The following PRTFDC1 variants were observed in gnomAD, a reference collection of about 807,000 sequenced individuals.
The protein encoded by PRTFDC1 is phosphoribosyl transferase domain containing 1, also known as phosphoribosyltransferase domain-containing protein 1.
PRTFDC1 carries 38 observed loss-of-function variants against 34.6 expected under a neutral mutation model. That is an observed-to-expected ratio of 1.10 (90% CI 0.85 to 1.44). The LOEUF is 1.44. Ranked by LOEUF, PRTFDC1 falls within the 40% of genes most tolerant of loss-of-function variation. The pLI is 0.00. For missense variants in PRTFDC1, 270 were observed against 283.0 expected, an observed-to-expected ratio of 0.95 and a Z score of 0.33; for synonymous variants, 93 against 98.1, an observed-to-expected ratio of 0.95 and a Z score of 0.31.
At chr10:24,871,646 G>GA (rs61544719) in intron 4 of PRTFDC1, among the ~76,000 whole-genome samples, 6,096 of 131,132 alleles carry the variant, frequency 0.046, 427 homozygotes, top group East Asian at 0.34. Context: ...GAGGATGGAT[G>GA]AAAAAAAAAA....
intron 2 of PRTFDC1, 69 bp downstream of exon 2, chr10:24,942,261 T>G: frequency 7.9e-7 from 1 of 1,270,956 alleles, no homozygotes; most frequent in Middle Eastern, 1.9e-4. Context: ...CTAAAGTATA[T>G]TGTGGGATTC....
chr10:24,894,192 G>T (rs772001188), intron 3 of PRTFDC1, among the ~76,000 whole-genome samples: 2 of 152,084 alleles, frequency 1.3e-5, no homozygotes, highest in Admixed American at 6.5e-5. Flanking sequence ...TTAGCTGGGC[G>T]TGGCAGCATG....
Position 24,851,390 on chromosome 10 carries a change from T to C in PRTFDC1, c.628A>G (p.Asn210Asp). The C allele has an allele frequency of 6.2e-7, 1 of 1,603,710 alleles. No individual in the cohort carries two copies. Among genetic ancestry groups the C allele is most frequent in the Non-Finnish European group, 8.5e-7 (1 of 1,177,502 alleles). The change falls in exon 8 of 9, where the codon AAT becomes GAT. Residue 210 changes from asparagine (N) to aspartate (D), a missense_variant and splice_region_variant. By Grantham distance (23) the Asn-to-Asp change is conservative (BLOSUM62 1). Transcript: ENST00000320152. ...AGGGATTTGCATGCAAGACTTACAT[T>C]CAGATCTCTGAAGTATTCATTGTAA... ...LDYNEYFRDLNHICVINEHGK... is the reference protein window; with the variant it reads ...LDYNEYFRDLDHICVINEHGK...
intron 3 of PRTFDC1, among the ~76,000 whole-genome samples, chr10:24,894,029 A>C (rs979229385): frequency 2.0e-5 from 3 of 152,178 alleles, no homozygotes; most frequent in African/African-American, 7.2e-5. Context: ...CCTCAAAGGA[A>C]GTGTGAAAAT....
At chr10:24,872,390 A>C (rs1847885869) in intron 3 of PRTFDC1, among the ~76,000 whole-genome samples, 1 of 152,152 alleles carries the variant, frequency 6.6e-6, no homozygotes. Flanking sequence ...TGGAGAAGAC[A>C]GTCATGCTTC....
At chr10:24,945,066 G>C (rs1849232452) in intron 1 of PRTFDC1, among the ~76,000 whole-genome samples, 1 of 152,106 alleles carries the variant, frequency 6.6e-6, no homozygotes, top group Non-Finnish European at 1.5e-5. Context: ...TTTCCACATG[G>C]CTGTCCTCTA....
intron 1 of PRTFDC1, among the ~76,000 whole-genome samples, chr10:24,948,644 T>A (rs1355469499): frequency 2.0e-5 from 3 of 152,196 alleles, no homozygotes; most frequent in African/African-American, 7.2e-5. Flanking sequence ...TGACTCTACA[T>A]CCCTTGCCAT....
intron 1 of PRTFDC1, among the ~76,000 whole-genome samples, chr10:24,946,835 G>C (rs1444573596): frequency 6.6e-6 from 1 of 152,172 alleles, no homozygotes; most frequent in East Asian, 1.9e-4. Context: ...TATTATCTTA[G>C]TTAAAACTAT....
At chr10:24,890,612 G>A (rs11014286) in intron 3 of PRTFDC1, among the ~76,000 whole-genome samples, 2,132 of 152,318 alleles carry the variant, frequency 0.014, 52 homozygotes, top group African/African-American at 0.049. Flanking sequence ...GTTTGACTGA[G>A]TCAGGGTGGC....
At chr10:24,908,711 G>A in intron 3 of PRTFDC1, 1 of 1,559,890 alleles carries the variant, frequency 6.4e-7, no homozygotes, top group Non-Finnish European at 8.7e-7. Flanking sequence ...ACATGGAGCA[G>A]TGAGGGAGGA....
intron 3 of PRTFDC1, among the ~76,000 whole-genome samples, chr10:24,891,522 G>A (rs2132539212): frequency 6.6e-6 from 1 of 152,184 alleles, no homozygotes; most frequent in East Asian, 1.9e-4. Context: ...GCTGGGTGCA[G>A]TGGCTCCTGT....
Position 24,886,956 on chromosome 10 carries a change from C to CTTTTTTTTTTTT in PRTFDC1, c.340-14905_340-14894dup, listed in dbSNP as rs57910963. On this transcript the variant is annotated intron_variant, in intron 3 of 8. Coordinates refer to ENST00000320152, the MANE Select transcript of PRTFDC1 (RefSeq NM_020200.7). ...TCTTTGTATCTTGTTAATACTCCTT[C>CTTTTTTTTTTTT]TTTTTTTTTTTTTTTTTTTTTTTTT... is the stretch of plus-strand genomic sequence containing the variant. Among the ~76,000 whole-genome samples the CTTTTTTTTTTTT allele has an allele frequency of 3.6e-4, 31 of 86,402 alleles. 1 individual carries two copies. Among genetic ancestry groups the CTTTTTTTTTTTT allele is most frequent in the African/African-American group, 1.2e-3 (24 of 20,478 alleles). 56.7% of individuals were successfully genotyped at this position (86,402 alleles called of 152,430 possible).
intron 3 of PRTFDC1, among the ~76,000 whole-genome samples, chr10:24,894,565 T>G (rs1378796737): frequency 1.3e-5 from 2 of 151,934 alleles, no homozygotes; most frequent in African/African-American, 4.8e-5. Flanking sequence ...CAGCTCAGAG[T>G]TCTGTGAAGG....
intron 3 of PRTFDC1, among the ~76,000 whole-genome samples, chr10:24,911,153 G>A (rs904516240): frequency 6.6e-6 from 1 of 152,146 alleles, no homozygotes; most frequent in African/African-American, 2.4e-5. Context: ...TATGATGAAT[G>A]CACAGTCATC....
intron 2 of PRTFDC1, 87 bp downstream of exon 2, chr10:24,942,243 A>G: frequency 9.2e-7 from 1 of 1,089,834 alleles, no homozygotes; most frequent in South Asian, 1.3e-5. Context: ...CAGCTCAGGA[A>G]TAGGGTCCTA....
chr10:24,942,554 A>C (rs909011574), intron 1 of PRTFDC1, 118 bp from the exon 2 acceptor site: 1 of 811,032 alleles, frequency 1.2e-6, no homozygotes, highest in Non-Finnish European at 2.1e-6. Flanking sequence ...TTAGTGGAAC[A>C]AGGTTATTTG....
Position 24,851,446 on chromosome 10 carries a change from G to A in PRTFDC1, c.572C>T (p.Pro191Leu). ...FRPDYAGFEI[P>L]NLFVVGYALD... ...GGCATATCCCACCACAAATAAGTTT[G>A]GAATCTCAAATCCAGCATCTTAGCA... Residue 191 changes from proline (P) to leucine (L), a missense_variant, in exon 8 of 9, where the codon CCA becomes CTA. Transcript: ENST00000320152. 5 of 1,610,880 alleles carry A rather than the reference G, an allele frequency of 3.1e-6. No individual in the cohort carries two copies. The highest frequency in any genetic ancestry group is 4.2e-6 in the Non-Finnish European group (5 of 1,179,390).
At chr10:24,916,424 C>A (rs1354701322) in intron 3 of PRTFDC1, among the ~76,000 whole-genome samples, 1 of 152,176 alleles carries the variant, frequency 6.6e-6, no homozygotes, top group Non-Finnish European at 1.5e-5. Flanking sequence ...GAGAAAAAGG[C>A]TAACTCCATA....
chr10:24,886,183 T>G (rs1848160340), intron 3 of PRTFDC1, among the ~76,000 whole-genome samples: 1 of 152,226 alleles, frequency 6.6e-6, no homozygotes. Flanking sequence ...GTAACAAATG[T>G]TCAACTCTGG....
Sources: allele counts gnomAD v4.1 joint callset (sites outside exome capture counted in the v4.1 genomes callset), GRCh38; gene constraint gnomAD v4.1.1; transcripts MANE v1.5; gene names NCBI Gene and HGNC (gene_info 2026-07-23, HGNC 2026-07-21).